Variants in ZNF503 observed in about 807,000 individuals in gnomAD.
The protein encoded by ZNF503 is NocA-like zinc finger 2.
In ZNF503, 15 loss-of-function variants were observed where a neutral mutation model predicts 34.4. The observed-to-expected ratio is 0.44, with a 90% CI of 0.29 to 0.67. ZNF503 has a LOEUF of 0.67. ZNF503 is among the 30% of genes least tolerant of loss of function. ZNF503 has a pLI of 0.13. For synonymous variants in ZNF503, 580 were observed against 456.8 expected, an observed-to-expected ratio of 1.27 and a Z score of -3.44; for missense variants, 1,007 against 926.8, an observed-to-expected ratio of 1.09 and a Z score of -1.12.
chr10:75,397,842 C>G lies in ZNF503; in HGVS notation c.*907G>C, dbSNP rs1456276965. The G allele has an allele frequency of 3.9e-5, 6 of 152,694 alleles. No homozygotes were observed. The highest frequency in any genetic ancestry group is 2.6e-4 in the Admixed American group (4 of 15,294). The allele number at this position is 152,694 out of a possible 1,614,324, so 9.5% of individuals were successfully genotyped here. A position where few individuals can be genotyped will look rare whatever the true frequency, so the allele number is the denominator to read the frequency against. The stretch of plus-strand genomic sequence containing the variant: ...AAAAGATAAGAAGAAGAAGTAAAAC[C>G]CTTTAATACATCAAATATACGGAAT... On this transcript the variant is annotated 3_prime_UTR_variant, in exon 2 of 2. Transcript: ENST00000372524.
At chr10:75,366,796 T>A in the ZNF503 span, among the ~76,000 whole-genome samples, 25 of 152,344 alleles carry the variant, frequency 1.6e-4, no homozygotes, top group Admixed American at 1.1e-3. Flanking sequence ...AACAGGATCA[T>A]TGTGTAAATA....
chr10:75,281,875 T>C, the ZNF503 span, among the ~76,000 whole-genome samples: 1 of 152,140 alleles, frequency 6.6e-6, no homozygotes, highest in Admixed American at 6.5e-5. Context: ...CCAGAAATAG[T>C]GGTAGCTTAG....
the ZNF503 span, among the ~76,000 whole-genome samples, chr10:75,325,315 C>A: frequency 7.8e-6 from 1 of 127,834 alleles, no homozygotes; most frequent in East Asian, 2.0e-4. Context: ...TTTGCCAATA[C>A]CATATATATA....
At chr10:75,328,746 C>CTTTTTT in the ZNF503 span, among the ~76,000 whole-genome samples, 10 of 130,766 alleles carry the variant, frequency 7.6e-5, no homozygotes, top group East Asian at 2.2e-4. Context: ...AATGTCTTTT[C>CTTTTTT]TTTTTTTTTT....
At position 75,401,309 on chromosome 10, in the gene ZNF503, A is replaced by G; in HGVS notation, c.111T>C (p.Ser37=). 6.4e-7 allele frequency: 1 copy of G among 1,552,840 alleles called. No homozygotes were observed. The highest frequency in any genetic ancestry group is 8.7e-7 in the Non-Finnish European group (1 of 1,152,238). ...GADPAWTSAL[S]GNSSGPGPGS... is the part of the protein sequence containing the mutation. Reference sequence around the variant, plus strand: ...CTGGGCCGGGGCCGGAGCTATTTCCAGAGAGCGCGCTGGTCCAGGCAGGGT... The same window carrying G: ...CTGGGCCGGGGCCGGAGCTATTTCCGGAGAGCGCGCTGGTCCAGGCAGGGT... The change falls in exon 1 of 2, where the codon TCT becomes TCC. Residue 37 remains serine (S), a synonymous_variant. Transcript: ENST00000372524.
chr10:75,345,484 A>C, the ZNF503 span, among the ~76,000 whole-genome samples: 1 of 151,716 alleles, frequency 6.6e-6, no homozygotes. Flanking sequence ...AAAATACAAA[A>C]ATTAGCCAGG....
chr10:75,306,630 C>A, the ZNF503 span, among the ~76,000 whole-genome samples: 2 of 152,056 alleles, frequency 1.3e-5, no homozygotes, highest in Non-Finnish European at 2.9e-5. Context: ...GTGTTTTTTA[C>A]AAATTGAAAA....
At chr10:75,347,160 T>G in the ZNF503 span, among the ~76,000 whole-genome samples, 2 of 152,224 alleles carry the variant, frequency 1.3e-5, no homozygotes, top group Non-Finnish European at 2.9e-5. Flanking sequence ...AAGCTCCATG[T>G]AAGTGTTAGC....
At chr10:75,348,576 A>G in the ZNF503 span, among the ~76,000 whole-genome samples, 1 of 146,882 alleles carries the variant, frequency 6.8e-6, no homozygotes, top group Non-Finnish European at 1.5e-5. Flanking sequence ...CAGTGGCACA[A>G]TCTCAGCTCA....
the ZNF503 span, among the ~76,000 whole-genome samples, chr10:75,368,648 A>G: frequency 6.6e-6 from 1 of 152,238 alleles, no homozygotes; most frequent in Non-Finnish European, 1.5e-5. Flanking sequence ...TGTACCTGGC[A>G]TCATCCTCCA....
At chr10:75,379,720 C>T in the ZNF503 span, among the ~76,000 whole-genome samples, 2 of 152,212 alleles carry the variant, frequency 1.3e-5, no homozygotes, top group African/African-American at 4.8e-5. Context: ...GAGTAATTAG[C>T]TGTAACAAAT....
Position 75,399,847 on chromosome 10 carries a change from GTGT to G in ZNF503, c.840_842del (p.His281del), listed in dbSNP as rs1843759937. On this transcript the variant is annotated inframe_deletion, in exon 2 of 2. Transcript: ENST00000372524. Reference sequence around the variant, plus strand: ...TCCCGCCGCCGCAGCTAATCCGGCCGTGTGCCAGCCCCGTGGGTCCCCCTTCGG... The same window carrying G: ...TCCCGCCGCCGCAGCTAATCCGGCCGGCCAGCCCCGTGGGTCCCCCTTCGG... 6.2e-7 allele frequency: 1 copy of G among 1,604,156 alleles called. No homozygotes were observed. The highest frequency in any genetic ancestry group is 8.5e-7 in the Non-Finnish European group (1 of 1,176,794).
At chr10:75,293,669 A>G in the ZNF503 span, among the ~76,000 whole-genome samples, 26 of 150,870 alleles carry the variant, frequency 1.7e-4, no homozygotes, top group Non-Finnish European at 3.1e-4. Flanking sequence ...GTGTGTGCGC[A>G]TGTGTGTGTG....
At chr10:75,394,879 A>G (rs763871930), downstream of ZNF503, among the ~76,000 whole-genome samples, 3 of 151,800 alleles carry the variant, frequency 2.0e-5, no homozygotes, top group Non-Finnish European at 2.9e-5. Context: ...TCGGAGGCAC[A>G]CCTCCCTGAT....
downstream of ZNF503, among the ~76,000 whole-genome samples, chr10:75,395,433 CCG>C (rs571605888): frequency 2.9e-3 from 448 of 152,306 alleles, 2 homozygotes; most frequent in Middle Eastern, 0.01. This position sits in a 1 kb window ranked among gnomAD's most constrained non-coding sequence, Gnocchi z 4.4. Context: ...AGCCGGCTGC[CCG>C]CGCGCTGGCC....
chr10:75,314,034 A>C, the ZNF503 span, among the ~76,000 whole-genome samples: 4 of 152,190 alleles, frequency 2.6e-5, no homozygotes, highest in Non-Finnish European at 5.9e-5. Flanking sequence ...GGAACATGAA[A>C]AATCAAGGAA....
chr10:75,334,250 G>A, the ZNF503 span, among the ~76,000 whole-genome samples: 10 of 152,106 alleles, frequency 6.6e-5, no homozygotes, highest in African/African-American at 1.2e-4. Context: ...CCTCCCGGGC[G>A]GCCTAAATTT....
chr10:75,317,688 A>C, the ZNF503 span, among the ~76,000 whole-genome samples: 1 of 152,120 alleles, frequency 6.6e-6, no homozygotes, highest in African/African-American at 2.4e-5. Flanking sequence ...CCTAACATAT[A>C]TCATGGTTAT....
chr10:75,280,093 A>T, the ZNF503 span: 1 of 152,210 alleles, frequency 6.6e-6, no homozygotes, highest in Non-Finnish European at 1.5e-5. Context: ...CTTTGTCAAG[A>T]TGGATAATCA....
Sources: allele counts gnomAD v4.1 joint callset (sites outside exome capture counted in the v4.1 genomes callset), GRCh38; gene constraint gnomAD v4.1.1; non-coding constraint Gnocchi (gnomAD v3.1); transcripts MANE v1.5; gene names NCBI Gene and HGNC (gene_info 2026-07-23, HGNC 2026-07-21).